AK5: variants seen among roughly 807,000 people sequenced by gnomAD.
AK5 encodes the protein adenylate kinase isoenzyme 5.
AK5 carries 27 observed loss-of-function variants against 69.5 expected under a neutral mutation model. That is an observed-to-expected ratio of 0.39 (90% CI 0.29 to 0.54). The LOEUF (loss-of-function observed/expected upper bound fraction) is 0.54, where lower values mean the gene tolerates loss of function less well. AK5 is among the 20% of genes least tolerant of loss of function. The pLI is 0.71. For missense variants in AK5, 531 were observed against 700.4 expected, an observed-to-expected ratio of 0.76 and a Z score of 2.73; for synonymous variants, 260 against 244.4, an observed-to-expected ratio of 1.06 and a Z score of -0.60.
chr1:77,304,044 A>G (rs1659493528), intron 5 of AK5, among the ~76,000 whole-genome samples: 1 of 152,140 alleles, frequency 6.6e-6, no homozygotes, highest in Non-Finnish European at 1.5e-5. Context: ...TAAAATGTAC[A>G]GTTATTATTG....
intron 6 of AK5, among the ~76,000 whole-genome samples, chr1:77,369,440 T>C (rs1647078727): frequency 6.6e-6 from 1 of 152,224 alleles, no homozygotes; most frequent in South Asian, 2.1e-4. Context: ...TATTTTTCCC[T>C]AATTTTCTTC....
intron 6 of AK5, among the ~76,000 whole-genome samples, chr1:77,402,179 A>C (rs1009052906): frequency 5.3e-5 from 8 of 152,138 alleles, no homozygotes; most frequent in African/African-American, 1.9e-4. Context: ...ATAAATTTTT[A>C]TTCCTAGAAA....
At chr1:77,452,259 A>G (rs1258707572) in intron 8 of AK5, among the ~76,000 whole-genome samples, 1 of 152,202 alleles carries the variant, frequency 6.6e-6, no homozygotes, top group Non-Finnish European at 1.5e-5. Context: ...CTTAATTTTA[A>G]TGAATCGACA....
At chr1:77,288,756 G>T (rs557027571) in intron 2 of AK5, among the ~76,000 whole-genome samples, 1 of 152,130 alleles carries the variant, frequency 6.6e-6, no homozygotes, top group South Asian at 2.1e-4. Flanking sequence ...ATGTTATAAC[G>T]GACCAAAAAA....
At chr1:77,299,832 A>G (rs1405543703) in intron 5 of AK5, among the ~76,000 whole-genome samples, 2 of 149,408 alleles carry the variant, frequency 1.3e-5, no homozygotes, top group East Asian at 2.0e-4. Context: ...CAAGCAGATG[A>G]AGCTACTTGA....
At chr1:77,461,995 A>G (rs1022601633) in intron 8 of AK5, among the ~76,000 whole-genome samples, 3 of 152,218 alleles carry the variant, frequency 2.0e-5, no homozygotes, top group African/African-American at 7.2e-5. Flanking sequence ...TTATCTGTCA[A>G]TTTAAAGTGT....
intron 5 of AK5, among the ~76,000 whole-genome samples, chr1:77,325,161 G>GTTTTTTTTTTT (rs369801549): frequency 1.6e-5 from 2 of 123,250 alleles, no homozygotes; most frequent in South Asian, 2.7e-4. Flanking sequence ...TAGGTTTTTT[G>GTTTTTTTTTTT]TTTTTTTTTT....
At position 77,345,566 on chromosome 1, in the gene AK5, T is replaced by C. The variant is rs61785665; in HGVS notation, c.891+4998T>C. Among the ~76,000 whole-genome samples the C allele has an allele frequency of 6.6e-4, 101 of 152,304 alleles. 1 individual carries two copies. Among genetic ancestry groups the C allele is most frequent in the Non-Finnish European group, 1.0e-3 (68 of 68,024 alleles). On this transcript the variant is annotated intron_variant, in intron 6 of 13. Transcript: ENST00000354567. ...GAAGGCATTAGAAAAAAACTCCCAATACTTGCCTTATTTTTCTAATTTTGC... is the reference window on the plus strand; with the variant it reads ...GAAGGCATTAGAAAAAAACTCCCAACACTTGCCTTATTTTTCTAATTTTGC...
intron 6 of AK5, among the ~76,000 whole-genome samples, chr1:77,363,620 C>G (rs1646902306): frequency 6.6e-6 from 1 of 152,090 alleles, no homozygotes; most frequent in Non-Finnish European, 1.5e-5. Flanking sequence ...TCCTGCTTTC[C>G]TCTTTGTTTA....
intron 5 of AK5, among the ~76,000 whole-genome samples, chr1:77,328,083 A>G (rs1402088851): frequency 1.3e-5 from 2 of 152,258 alleles, no homozygotes; most frequent in Non-Finnish European, 2.9e-5. Context: ...GAATAAATGT[A>G]TAAATAAATG....
At chr1:77,429,518 A>T (rs1056991781) in intron 8 of AK5, among the ~76,000 whole-genome samples, 3 of 152,206 alleles carry the variant, frequency 2.0e-5, no homozygotes, top group African/African-American at 7.2e-5. Context: ...TGGGCAAAAG[A>T]TGGCACAGTT....
chr1:77,358,033 G>GAGAGAGAGAC (rs1662635715), intron 6 of AK5, among the ~76,000 whole-genome samples: 1 of 151,500 alleles, frequency 6.6e-6, no homozygotes, highest in African/African-American at 2.4e-5. Context: ...GAGAGAGAGA[G>GAGAGAGAGAC]AGAGAGACAG....
intron 5 of AK5, among the ~76,000 whole-genome samples, chr1:77,298,470 A>G (rs1659138707): frequency 6.6e-6 from 1 of 151,970 alleles, no homozygotes; most frequent in Admixed American, 6.6e-5. Flanking sequence ...TTATATATCT[A>G]TTTAAGCTTT....
chr1:77,479,437 T>C (rs553481568), intron 8 of AK5, among the ~76,000 whole-genome samples: 14 of 152,158 alleles, frequency 9.2e-5, no homozygotes, highest in Admixed American at 9.2e-4. Context: ...AACTCCCAAC[T>C]TCAGGTGATC....
chr1:77,434,309 GA>G (rs939545758), intron 8 of AK5, among the ~76,000 whole-genome samples: 48 of 152,018 alleles, frequency 3.2e-4, no homozygotes, highest in Middle Eastern at 6.8e-3. Flanking sequence ...AAATGTAACT[GA>G]AAAAAGATCT....
chr1:77,396,737 G>A (rs1263298011), intron 6 of AK5, among the ~76,000 whole-genome samples: 5 of 152,248 alleles, frequency 3.3e-5, no homozygotes, highest in Admixed American at 3.3e-4. Context: ...AAGAGCACAG[G>A]CATTGTAGTA....
At chr1:77,283,411 A>G (rs1200755201) in intron 1 of AK5, 2 of 984,908 alleles carry the variant, frequency 2.0e-6, no homozygotes, top group East Asian at 2.3e-4. Flanking sequence ...CTGATATCGT[A>G]AACTAAAGGT....
At chr1:77,535,475 G>C (rs544707653) in intron 12 of AK5, among the ~76,000 whole-genome samples, 1 of 152,280 alleles carries the variant, frequency 6.6e-6, no homozygotes, top group Non-Finnish European at 1.5e-5. Context: ...TGAAGGAGAA[G>C]TGATTAGCTG....
chr1:77,440,740 G>T (rs1219206833), intron 8 of AK5, among the ~76,000 whole-genome samples: 11 of 151,212 alleles, frequency 7.3e-5, no homozygotes, highest in Non-Finnish European at 5.9e-5. Flanking sequence ...AAGTTCAGAG[G>T]CTCTTTTTTT....
Sources: allele counts gnomAD v4.1 joint callset (sites outside exome capture counted in the v4.1 genomes callset), GRCh38; gene constraint gnomAD v4.1.1; transcripts MANE v1.5; gene names NCBI Gene and HGNC (gene_info 2026-07-23, HGNC 2026-07-21).